CSMD3: variants seen among roughly 807,000 people sequenced by gnomAD.
The protein encoded by CSMD3 is CUB and sushi domain-containing protein 3.
A neutral mutation model predicts 435.2 loss-of-function variants in CSMD3; 177 were observed. That is an observed-to-expected ratio of 0.41 (90% CI 0.36 to 0.46). The LOEUF (loss-of-function observed/expected upper bound fraction) is 0.46, where lower values mean the gene tolerates loss of function less well. Ranked by LOEUF, CSMD3 falls within the 20% of genes least tolerant of loss-of-function variation. The probability of loss-of-function intolerance (pLI) is 0.34; values close to 1 mark genes in which losing one functional copy is unlikely to be tolerated. For synonymous variants in CSMD3, 1,656 were observed against 1,520.5 expected, an observed-to-expected ratio of 1.09 and a Z score of -2.07; for missense variants, 4,265 against 4,504.6, an observed-to-expected ratio of 0.95 and a Z score of 1.52.
chr8:113,344,386 T>G (rs1159379888), intron 1 of CSMD3, among the ~76,000 whole-genome samples: 1 of 152,162 alleles, frequency 6.6e-6, no homozygotes, highest in African/African-American at 2.4e-5. Context: ...TTTCAGTATC[T>G]TGTTTTGACC....
At chr8:113,113,827 G>A (rs180735743) in intron 4 of CSMD3, among the ~76,000 whole-genome samples, 2 of 152,102 alleles carry the variant, frequency 1.3e-5, no homozygotes, top group African/African-American at 2.4e-5. Context: ...TCTTTGAAAT[G>A]AACACAATTT....
chr8:112,594,961 T>C (rs1831552968), intron 22 of CSMD3, among the ~76,000 whole-genome samples: 2 of 151,904 alleles, frequency 1.3e-5, no homozygotes, highest in African/African-American at 4.8e-5. Context: ...AGAGCGCCTC[T>C]CCTCCTCCAA....
intron 27 of CSMD3, among the ~76,000 whole-genome samples, chr8:112,528,577 C>A (rs139554937): frequency 6.6e-5 from 10 of 152,166 alleles, no homozygotes; most frequent in Middle Eastern, 3.4e-3. Flanking sequence ...GTGACATCAG[C>A]ACAATGGCAA....
chr8:113,122,892 C>A (rs1053363250), intron 4 of CSMD3, among the ~76,000 whole-genome samples: 3 of 151,270 alleles, frequency 2.0e-5, no homozygotes, highest in African/African-American at 7.3e-5. Flanking sequence ...TTCCTACTTT[C>A]TTAATTATTT....
At chr8:113,125,934 A>G (rs1045579508) in intron 4 of CSMD3, among the ~76,000 whole-genome samples, 5 of 152,016 alleles carry the variant, frequency 3.3e-5, no homozygotes, top group Non-Finnish European at 7.4e-5. Context: ...TTGCTCAGTA[A>G]TTATTTTTTA....
Position 112,472,848 on chromosome 8 carries a change from T to C in CSMD3, c.5279-141A>G, listed in dbSNP as rs1478070307. 4.8e-6 allele frequency: 3 copies of C among 623,966 alleles called. No individual in the cohort carries two copies. In the East Asian group the frequency reaches 8.4e-5, roughly 17 times the overall value. The allele number at this position is 623,966 out of a possible 1,614,324, so 38.7% of individuals were successfully genotyped here. A position where few individuals can be genotyped will look rare whatever the true frequency, so the allele number is the denominator to read the frequency against. ...ATTTGCATCTTATAATAAGATCCTC[T>C]AGTGTTAAATATTTGAAAAATAAAA... On this transcript the variant is annotated intron_variant, in intron 31 of 70. Transcript: ENST00000297405.
intron 5 of CSMD3, among the ~76,000 whole-genome samples, chr8:113,040,513 A>G (rs1021600921): frequency 6.6e-6 from 1 of 152,186 alleles, no homozygotes; most frequent in Non-Finnish European, 1.5e-5. Flanking sequence ...ATTGATGGCA[A>G]TGGAGGTCAA....
At chr8:113,097,329 A>C (rs1340217504) in intron 5 of CSMD3, among the ~76,000 whole-genome samples, 1 of 152,084 alleles carries the variant, frequency 6.6e-6, no homozygotes, top group African/African-American at 2.4e-5. Context: ...GCTACATAAC[A>C]GCATTGTTCT....
intron 16 of CSMD3, among the ~76,000 whole-genome samples, chr8:112,666,765 T>G (rs1018694128): frequency 6.6e-6 from 1 of 152,162 alleles, no homozygotes; most frequent in African/African-American, 2.4e-5. Flanking sequence ...TTGGTTTCTT[T>G]CTCTTTGATT....
intron 3 of CSMD3, among the ~76,000 whole-genome samples, chr8:113,184,534 C>T (rs1041166886): frequency 6.6e-6 from 1 of 151,910 alleles, no homozygotes; most frequent in African/African-American, 2.4e-5. Context: ...AAAAATGAGG[C>T]CAAAGATAAA....
At chr8:113,299,833 A>G (rs2093750840) in intron 2 of CSMD3, among the ~76,000 whole-genome samples, 1 of 152,036 alleles carries the variant, frequency 6.6e-6, no homozygotes, top group Non-Finnish European at 1.5e-5. Context: ...CTCTCTACTA[A>G]AAATACAAAA....
intron 3 of CSMD3, among the ~76,000 whole-genome samples, chr8:113,261,427 C>T (rs1219457567): frequency 6.6e-6 from 1 of 152,036 alleles, no homozygotes; most frequent in Non-Finnish European, 1.5e-5. Context: ...TGTCATTCTT[C>T]CATTGTGACC....
chr8:113,260,310 A>G (rs1289917626), intron 3 of CSMD3, among the ~76,000 whole-genome samples: 1 of 152,146 alleles, frequency 6.6e-6, no homozygotes, highest in Non-Finnish European at 1.5e-5. Flanking sequence ...TTGTCTCATC[A>G]CCATGTCTTT....
At chr8:112,260,305 G>A (rs1328554982) in intron 61 of CSMD3, among the ~76,000 whole-genome samples, 2 of 152,078 alleles carry the variant, frequency 1.3e-5, no homozygotes, top group African/African-American at 2.4e-5. Context: ...TTATGACAAT[G>A]TAGCTGCTTC....
intron 9 of CSMD3, among the ~76,000 whole-genome samples, chr8:112,938,031 C>G (rs1266186289): frequency 6.6e-6 from 1 of 152,070 alleles, no homozygotes; most frequent in Non-Finnish European, 1.5e-5. Flanking sequence ...CTAAAACAGT[C>G]GAGAAGCCAG....
At chr8:112,810,448 G>A (rs1272721120) in intron 12 of CSMD3, among the ~76,000 whole-genome samples, 1 of 152,028 alleles carries the variant, frequency 6.6e-6, no homozygotes, top group African/African-American at 2.4e-5. Context: ...TTAGCTTTGG[G>A]ACACAAGTCT....
At chr8:113,336,122 C>A (rs1053763957) in intron 1 of CSMD3, among the ~76,000 whole-genome samples, 1 of 151,738 alleles carries the variant, frequency 6.6e-6, no homozygotes, top group African/African-American at 2.4e-5. Flanking sequence ...CTACTTTCTT[C>A]CTGTTGTTCA....
At chr8:112,426,336 C>A (rs959640757) in intron 32 of CSMD3, among the ~76,000 whole-genome samples, 1 of 151,964 alleles carries the variant, frequency 6.6e-6, no homozygotes, top group African/African-American at 2.4e-5. Flanking sequence ...GGAAACAATT[C>A]ATTTCATCAA....
chr8:113,076,764 A>T (rs898084140), intron 5 of CSMD3, among the ~76,000 whole-genome samples: 4 of 152,174 alleles, frequency 2.6e-5, no homozygotes. Context: ...CTATAAAACT[A>T]TGGTTACAAT....
Sources: allele counts gnomAD v4.1 joint callset (sites outside exome capture counted in the v4.1 genomes callset), GRCh38; gene constraint gnomAD v4.1.1; transcripts MANE v1.5; gene names NCBI Gene and HGNC (gene_info 2026-07-23, HGNC 2026-07-21).